EFR3B: variants seen among roughly 807,000 people sequenced by gnomAD.
The protein encoded by EFR3B is protein EFR3 homolog B.
Under a neutral mutation model 104.7 loss-of-function variants are expected in EFR3B, and 64 were observed. The ratio of observed to expected loss-of-function variants is 0.61; its 90% CI spans 0.50 to 0.75. EFR3B has a LOEUF of 0.75. Ranked by LOEUF, EFR3B falls within the 30% of genes least tolerant of loss-of-function variation. EFR3B has a pLI of 0.00. For missense variants in EFR3B, 750 were observed against 1,078.5 expected (o/e 0.70, Z 4.27); for synonymous variants, 385 against 417.9 (o/e 0.92, Z 0.96).
chr2:25,062,528 A>G (rs2149170066), intron 1 of EFR3B, among the ~76,000 whole-genome samples: 1 of 152,370 alleles, frequency 6.6e-6, no homozygotes, highest in African/African-American at 2.4e-5. Context: ...GGCAGTGGGT[A>G]TACTAGGAGA....
chr2:25,120,672 A>AC, intron 4 of EFR3B, among the ~76,000 whole-genome samples: 1 of 149,334 alleles, frequency 6.7e-6, no homozygotes, highest in African/African-American at 2.6e-5. Context: ...ACAGCAACAA[A>AC]AGCCCTGTAA....
At chr2:25,078,127 G>T (rs1315616553) in intron 1 of EFR3B, among the ~76,000 whole-genome samples, 2 of 152,162 alleles carry the variant, frequency 1.3e-5, no homozygotes, top group East Asian at 3.9e-4. Context: ...TTCCTTGATG[G>T]CAGAACCTGT....
chr2:25,145,282 A>AGT (rs1670784512), intron 19 of EFR3B: 3 of 557,892 alleles, frequency 5.4e-6, no homozygotes, highest in Admixed American at 3.0e-5. Context: ...CTCACTCTTG[A>AGT]AAGGCCTGGC....
At chr2:25,056,200 T>C (rs1291672064) in intron 1 of EFR3B, among the ~76,000 whole-genome samples, 2 of 152,096 alleles carry the variant, frequency 1.3e-5, no homozygotes, top group African/African-American at 4.8e-5. Context: ...AAATAAAGAA[T>C]ATATTAGAAT....
Position 25,141,413 on chromosome 2 carries a change from T to A in EFR3B, c.1902T>A (p.Asp634Glu), listed in dbSNP as rs1439072775. Residue 634 changes from aspartate to glutamate, a missense_variant, in exon 17 of 23, where the codon GAT becomes GAA. Asp to Glu is a conservative substitution (Grantham distance 45). Transcript: ENST00000403714. ...KKEAPYMLPEDVFVERPRLSQ... is the reference protein window; with the variant it reads ...KKEAPYMLPEEVFVERPRLSQ... ...AGGCTCCATACATGCTCCCCGAGGA[T>A]GTGTTTGTGGAGAGGCCCAGGTGAG... The A allele has an allele frequency of 3.2e-6, 5 of 1,550,932 alleles. No homozygotes were observed. Among genetic ancestry groups the A allele is most frequent in the Non-Finnish European group, 4.4e-6 (5 of 1,146,594 alleles).
chr2:25,128,737 T>C (rs1029801327), intron 6 of EFR3B, among the ~76,000 whole-genome samples: 1 of 151,392 alleles, frequency 6.6e-6, no homozygotes, highest in Non-Finnish European at 1.5e-5. Flanking sequence ...GGCGGGCAGA[T>C]CACGAGGTCA....
intron 3 of EFR3B, among the ~76,000 whole-genome samples, chr2:25,102,407 G>T (rs568234905): frequency 4.6e-5 from 7 of 152,270 alleles, no homozygotes; most frequent in Admixed American, 4.6e-4. Flanking sequence ...AAGAAAAGAG[G>T]TTTAATTGAC....
At chr2:25,062,187 C>G (rs1043826544) in intron 1 of EFR3B, among the ~76,000 whole-genome samples, 4 of 152,114 alleles carry the variant, frequency 2.6e-5, no homozygotes, top group African/African-American at 4.8e-5. Context: ...TCACCAGAGG[C>G]CTTGTGGATA....
chr2:25,124,326 G>A (rs895050449), intron 5 of EFR3B, among the ~76,000 whole-genome samples: 2 of 126,270 alleles, frequency 1.6e-5, no homozygotes, highest in African/African-American at 3.0e-5. Flanking sequence ...GTGTGTGTGT[G>A]TGTGTGATTC....
chr2:25,133,456 T>C, intron 12 of EFR3B, 22 bp downstream of exon 12: 1 of 1,552,072 alleles, frequency 6.4e-7, no homozygotes, highest in Non-Finnish European at 8.7e-7. Flanking sequence ...CTATCCCCAT[T>C]CCTGCTCTTC....
At chr2:25,044,459 C>T (rs7596287) in intron 1 of EFR3B, among the ~76,000 whole-genome samples, 152,097 of 152,328 alleles carry the variant, frequency 1, 75,935 homozygotes, top group Middle Eastern at 1. Context: ...GCGGGGATCA[C>T]AGAATTATAG....
At chr2:25,051,237 G>A (rs368921735) in intron 1 of EFR3B, among the ~76,000 whole-genome samples, 1 of 151,930 alleles carries the variant, frequency 6.6e-6, no homozygotes, top group Non-Finnish European at 1.5e-5. Context: ...TCAGCCTCCC[G>A]AGTAGCTAGG....
intron 15 of EFR3B, among the ~76,000 whole-genome samples, chr2:25,138,593 A>G (rs1371888551): frequency 6.6e-6 from 1 of 152,158 alleles, no homozygotes; most frequent in Non-Finnish European, 1.5e-5. Flanking sequence ...AATTCTGTTT[A>G]CCCTCAAGAA....
At chr2:25,123,761 G>A (rs1049074535) in intron 5 of EFR3B, among the ~76,000 whole-genome samples, 8 of 152,248 alleles carry the variant, frequency 5.3e-5, no homozygotes, top group African/African-American at 1.9e-4. Context: ...AGGGTGGTGG[G>A]GGAGTGGATG....
chr2:25,139,547 T>A (rs1670606140), intron 16 of EFR3B, among the ~76,000 whole-genome samples: 1 of 152,042 alleles, frequency 6.6e-6, no homozygotes. Flanking sequence ...TGACCTCAGA[T>A]CATGCAGACT....
At chr2:25,051,975 C>G (rs1667883416) in intron 1 of EFR3B, among the ~76,000 whole-genome samples, 1 of 150,942 alleles carries the variant, frequency 6.6e-6, no homozygotes, top group Admixed American at 6.6e-5. Flanking sequence ...GTGGGTGGAT[C>G]ACCTGAGGTC....
Position 25,139,160 on chromosome 2 carries a change from A to T in EFR3B, c.1824A>T (p.Thr608=), listed in dbSNP as rs2149209204. 6.4e-7 allele frequency: 1 copy of T among 1,551,564 alleles called. No homozygotes were observed. Among genetic ancestry groups the T allele is most frequent in the East Asian group, 2.4e-5 (1 of 40,916 alleles). Residue 608 remains threonine, a synonymous_variant, in exon 16 of 23, where the codon ACA becomes ACT. Coordinates refer to ENST00000403714, the MANE Select transcript of EFR3B (RefSeq NM_014971.2). ...AYLNLISQLT[T]VPAFCQHIHE... Reference sequence around the variant, plus strand: ...TGAACCTCATCAGTCAGCTCACAACAGTGCCTGCCTTCTGCCAGCACATCC... The same window carrying T: ...TGAACCTCATCAGTCAGCTCACAACTGTGCCTGCCTTCTGCCAGCACATCC...
In EFR3B at chr2:25,154,218, G is replaced by A. The variant is rs1225290050; in HGVS notation, c.2349-17G>A. ...TCTCTTTTCATGCCTTTCTCCCCAT[G>A]TGTTCCTGCCCCCTAGGCCCCCACC... On this transcript the variant is annotated splice_polypyrimidine_tract_variant and intron_variant, in intron 22 of 22. Transcript: ENST00000403714. The surrounding 1 kb of genome is among the most constrained non-coding windows in gnomAD (Gnocchi z 4.1). The A allele has an allele frequency of 3.9e-6, 6 of 1,550,582 alleles. No homozygotes were observed. The highest frequency in any genetic ancestry group is 2.7e-5 in the African/African-American group (2 of 73,024).
In EFR3B at chr2:25,130,675, T is replaced by G; in HGVS notation, c.849+45T>G. On this transcript the variant is annotated intron_variant, in intron 8 of 22. Transcript: ENST00000403714. The surrounding 1 kb of genome is among the most constrained non-coding windows in gnomAD (Gnocchi z 4.6). Reference sequence around the variant, plus strand: ...CCAGCCGGATCCCAGGACAAAGGCCTCTCTAGAAGCTAGACGGGTGCTAAA... The same window carrying G: ...CCAGCCGGATCCCAGGACAAAGGCCGCTCTAGAAGCTAGACGGGTGCTAAA... 1 of 1,499,770 alleles carries G rather than the reference T, an allele frequency of 6.7e-7. No homozygotes were observed. Among genetic ancestry groups the G allele is most frequent in the Middle Eastern group, 1.7e-4 (1 of 5,866 alleles). The allele number at this position is 1,499,770 out of a possible 1,614,324, so 92.9% of individuals were successfully genotyped here.
Sources: gnomAD v4.1 joint callset for allele counts (sites outside exome capture counted in the v4.1 genomes callset) on GRCh38, gnomAD v4.1.1 for gene constraint, Gnocchi (gnomAD v3.1) non-coding constraint, MANE v1.5 for transcripts, NCBI Gene and HGNC (gene_info 2026-07-23, HGNC 2026-07-21) for gene names.